WDR19: variants seen among roughly 807,000 people sequenced by gnomAD.
WDR19 encodes WD repeat domain 19.
WDR19 carries 121 observed loss-of-function variants against 180.0 expected under a neutral mutation model. The observed-to-expected ratio is 0.67, with a 90% CI of 0.58 to 0.78. The LOEUF (loss-of-function observed/expected upper bound fraction) is 0.78, where lower values mean the gene tolerates loss of function less well. Ranked by LOEUF, WDR19 falls within the 30% of genes least tolerant of loss-of-function variation. WDR19 has a pLI of 0.00. For synonymous variants in WDR19, 497 were observed against 540.7 expected, an observed-to-expected ratio of 0.92 and a Z score of 1.12; for missense variants, 1,450 against 1,640.7, an observed-to-expected ratio of 0.88 and a Z score of 2.01.
chr4:39,270,249 A>G (rs1482239318), intron 31 of WDR19, 149 bp downstream of exon 31: 1 of 1,154,538 alleles, frequency 8.7e-7, no homozygotes, highest in African/African-American at 1.5e-5. Context: ...CATATCTACA[A>G]TACGCTGCTT....
intron 33 of WDR19, 147 bp from the exon 34 acceptor site, chr4:39,276,873 T>G: frequency 8.0e-6 from 8 of 998,706 alleles, no homozygotes; most frequent in Non-Finnish European, 1.0e-5. Flanking sequence ...AGGGCTGGTG[T>G]GAGCTTGTAA....
intron 35 of WDR19, 150 bp downstream of exon 35, chr4:39,278,357 T>A: frequency 1.2e-6 from 1 of 855,708 alleles, no homozygotes; most frequent in Non-Finnish European, 1.8e-6. Context: ...TCCTGTGACC[T>A]TTGAGAATAT....
chr4:39,228,473 T>C lies in WDR19; in HGVS notation c.1778-13T>C, dbSNP rs1000224296. ...TTAGCTTTCAGCATTGCGATGTCTGTTTTATAATGTAGGAGCCAAGGTTAT... is the reference window on the plus strand; with the variant it reads ...TTAGCTTTCAGCATTGCGATGTCTGCTTTATAATGTAGGAGCCAAGGTTAT... On this transcript the variant is annotated splice_polypyrimidine_tract_variant and intron_variant, in intron 16 of 36. Transcript: ENST00000399820. The C allele has an allele frequency of 3.3e-5, 54 of 1,612,750 alleles. No individual in the cohort carries two copies. Among genetic ancestry groups the C allele is most frequent in the Non-Finnish European group, 4.6e-5 (54 of 1,179,510 alleles).
chr4:39,193,719 AACCAT>A (rs532976471), intron 4 of WDR19, among the ~76,000 whole-genome samples: 153 of 152,268 alleles, frequency 1.0e-3, no homozygotes, highest in Non-Finnish European at 1.9e-3. Flanking sequence ...GCTTTCTGAA[AACCAT>A]ACCATGGTCT....
In WDR19 at chr4:39,237,737, A is replaced by C. The variant is rs1731520200; in HGVS notation, c.2364-2540A>C. ...TACCAAAAAGTGACGTTGGAATCTT[A>C]GTACATAACACAAGAGACAGAGCCC... On this transcript the variant is annotated intron_variant, in intron 20 of 36. Coordinates refer to ENST00000399820, the MANE Select transcript of WDR19 (RefSeq NM_025132.4). 6 of 152,194 alleles carry C rather than the reference A, an allele frequency of 3.9e-5. 1 individual carries two copies. The South Asian group carries it at 1.2e-3, about 31-fold the overall frequency. 9.4% of individuals were successfully genotyped at this position (152,194 alleles called of 1,614,324 possible). A position where few individuals can be genotyped will look rare whatever the true frequency, so the allele number is the denominator to read the frequency against.
rs1735750020 is a variant in WDR19 at position 39,274,911 on chromosome 4, C to T, written c.3669C>T (p.Arg1223=). The T allele has an allele frequency of 6.2e-7, 1 of 1,614,026 alleles. No homozygotes were observed. Among genetic ancestry groups the T allele is most frequent in the East Asian group, 2.2e-5 (1 of 44,882 alleles). The change falls in exon 33 of 37, where the codon CGC becomes CGT. Residue 1223 remains arginine (R), a synonymous_variant. Transcript: ENST00000399820. ...CTATGTTGATGAGGCCTGAATACCG[C>T]AGCAAAATAGATGCCAAATACAAAA... ...FAAMLMRPEY[R]SKIDAKYKKK...
At position 39,248,931 on chromosome 4, in the gene WDR19, A is replaced by G. The variant is rs570424236; in HGVS notation, c.2729+3479A>G. Among the ~76,000 whole-genome samples the G allele has an allele frequency of 1.6e-4, 24 of 152,324 alleles. 1 individual carries two copies. In the South Asian group the frequency reaches 5.0e-3, roughly 32 times the overall value. On this transcript the variant is annotated intron_variant, in intron 24 of 36. Transcript: ENST00000399820. ...GAGACTTTAACACCCCACTGTCAAC[A>G]TTAGACAGATCAACGAGACAGAAAG...
intron 17 of WDR19, among the ~76,000 whole-genome samples, chr4:39,229,577 C>A (rs1352316856): frequency 6.6e-6 from 1 of 152,058 alleles, no homozygotes; most frequent in Non-Finnish European, 1.5e-5. Flanking sequence ...CTCTTATCTC[C>A]TAGAGCCACC....
At position 39,205,160 on chromosome 4, in the gene WDR19, G is replaced by T. The variant is rs1254605580; in HGVS notation, c.610G>T (p.Val204Leu). ...RTSAAESMIS[V>L]VLGKKTLFFL... ...TCCTAATCTTTTCTGGCAGATAAGT[G>T]TGGTGCTTGGCAAGAAAACTTTGTT... Residue 204 changes from valine to leucine, a missense_variant, in exon 8 of 37, where the codon GTG becomes TTG. Transcript: ENST00000399820. 2 of 1,581,682 alleles carry T rather than the reference G, an allele frequency of 1.3e-6. No homozygotes were observed. Among genetic ancestry groups the T allele is most frequent in the Non-Finnish European group, 1.7e-6 (2 of 1,162,332 alleles).
In WDR19 at chr4:39,182,544, G is replaced by T; in HGVS notation, c.-14G>T. Reference sequence around the variant, plus strand: ...TGCGTACTTCATAGTTCGCGTAGCGGCTCGAGCGTGGAGATGAAGGTAAAT... The same window carrying T: ...TGCGTACTTCATAGTTCGCGTAGCGTCTCGAGCGTGGAGATGAAGGTAAAT... On this transcript the variant is annotated 5_prime_UTR_variant, in exon 1 of 37. Transcript: ENST00000399820. 1 of 1,613,810 alleles carries T rather than the reference G, an allele frequency of 6.2e-7. No homozygotes were observed. The highest frequency in any genetic ancestry group is 8.5e-7 in the Non-Finnish European group (1 of 1,179,852).
At chr4:39,239,749 T>G (rs1027743479) in intron 20 of WDR19, among the ~76,000 whole-genome samples, 1 of 152,200 alleles carries the variant, frequency 6.6e-6, no homozygotes, top group Non-Finnish European at 1.5e-5. Flanking sequence ...TAACCCGGCT[T>G]AATAATTACT....
chr4:39,270,410 T>C (rs912022086), intron 31 of WDR19, among the ~76,000 whole-genome samples: 2 of 152,172 alleles, frequency 1.3e-5, no homozygotes, highest in Non-Finnish European at 2.9e-5. Context: ...GACGTCTTGC[T>C]CTTTACCCAG....
chr4:39,250,399 C>G (rs1213794554), intron 24 of WDR19, among the ~76,000 whole-genome samples: 1 of 152,198 alleles, frequency 6.6e-6, no homozygotes, highest in East Asian at 1.9e-4. Flanking sequence ...CAGCCAATAT[C>G]ATACTGAACG....
At chr4:39,266,210 C>T (rs1734778084) in intron 29 of WDR19, 70 bp downstream of exon 29, 1 of 1,372,186 alleles carries the variant, frequency 7.3e-7, no homozygotes, top group African/African-American at 1.5e-5. Flanking sequence ...TGTTTTTACC[C>T]ATCATGCTTT....
At chr4:39,266,932 A>T (rs1734855444) in intron 29 of WDR19, among the ~76,000 whole-genome samples, 1 of 152,180 alleles carries the variant, frequency 6.6e-6, no homozygotes, top group Non-Finnish European at 1.5e-5. Flanking sequence ...AAAAATATAA[A>T]ATTAGCCAGG....
chr4:39,189,632 G>A (rs780777625), intron 3 of WDR19, 24 bp from the exon 4 acceptor site: 1 of 1,564,944 alleles, frequency 6.4e-7, no homozygotes, highest in South Asian at 1.2e-5. Flanking sequence ...CTGTATAGTG[G>A]TATTTTGCTC....
chr4:39,193,121 A>T (rs925462798), intron 4 of WDR19, among the ~76,000 whole-genome samples: 4 of 151,868 alleles, frequency 2.6e-5, no homozygotes, highest in African/African-American at 9.7e-5. Context: ...GCAGCCTGGT[A>T]TGTTACTACT....
Position 39,182,535 on chromosome 4 carries a change from C to T in WDR19, c.-23C>T, listed in dbSNP as rs867845361. On this transcript the variant is annotated 5_prime_UTR_variant, in exon 1 of 37. Coordinates refer to ENST00000399820, the MANE Select transcript of WDR19 (RefSeq NM_025132.4). Reference sequence around the variant, plus strand: ...GGGTGCGCCTGCGTACTTCATAGTTCGCGTAGCGGCTCGAGCGTGGAGATG... The same window carrying T: ...GGGTGCGCCTGCGTACTTCATAGTTTGCGTAGCGGCTCGAGCGTGGAGATG... 6.2e-7 allele frequency: 1 copy of T among 1,613,744 alleles called. No homozygotes were observed. The highest frequency in any genetic ancestry group is 8.5e-7 in the Non-Finnish European group (1 of 1,179,852).
intron 5 of WDR19, among the ~76,000 whole-genome samples, chr4:39,197,543 C>T (rs1175476538): frequency 6.6e-6 from 1 of 151,934 alleles, no homozygotes; most frequent in Non-Finnish European, 1.5e-5. Flanking sequence ...GCTCCAGAAT[C>T]TATACACTTA....
Sources: allele counts gnomAD v4.1 joint callset (sites outside exome capture counted in the v4.1 genomes callset), GRCh38; gene constraint gnomAD v4.1.1; transcripts MANE v1.5; gene names NCBI Gene and HGNC (gene_info 2026-07-23, HGNC 2026-07-21).